Variants in UIMC1 observed in about 807,000 individuals in gnomAD.
UIMC1 encodes BRCA1-A complex subunit RAP80.
UIMC1 carries 42 observed loss-of-function variants against 84.9 expected under a neutral mutation model. The observed-to-expected ratio is 0.49, with a 90% CI of 0.39 to 0.64. The LOEUF is 0.64. Ranked by LOEUF, UIMC1 falls within the 30% of genes least tolerant of loss-of-function variation. UIMC1 has a pLI of 0.00. For missense variants in UIMC1, 825 were observed against 847.6 expected (o/e 0.97, Z 0.33); for synonymous variants, 281 against 293.0 (o/e 0.96, Z 0.42).
chr5:177,015,587 T>C (rs1214719812), intron 1 of UIMC1, among the ~76,000 whole-genome samples: 1 of 152,208 alleles, frequency 6.6e-6, no homozygotes, highest in African/African-American at 2.4e-5. Context: ...TATACAGATA[T>C]GCTCATTTTC....
chr5:176,973,585 AAAAAAAAAG>A (rs1217023486), intron 3 of UIMC1, among the ~76,000 whole-genome samples: 1 of 151,200 alleles, frequency 6.6e-6, no homozygotes, highest in Admixed American at 6.6e-5. Flanking sequence ...GTCTCAAAAA[AAAAAAAAAG>A]AAAAGAAAAA....
intron 1 of UIMC1, among the ~76,000 whole-genome samples, chr5:177,004,299 G>A (rs1561931421): frequency 6.6e-6 from 1 of 152,138 alleles, no homozygotes; most frequent in South Asian, 2.1e-4. Flanking sequence ...GCTCCCCACA[G>A]ATACAAATTC....
Position 176,905,335 on chromosome 5 carries a change from G to A in UIMC1, c.2107C>T (p.Pro703Ser), listed in dbSNP as rs1425635242. The change falls in exon 15 of 15, where the codon CCA (proline) becomes TCA (serine). Residue 703 changes from proline to serine, a missense_variant. Pro to Ser is a moderately conservative substitution (Grantham distance 74). Transcript: ENST00000511320. Reference sequence around the variant, plus strand: ...GCTTTGGTCCGTGTCCGACTACCTGGCTGGACAGTAACTTGCTTTTTAAAG... The same window carrying A: ...GCTTTGGTCCGTGTCCGACTACCTGACTGGACAGTAACTTGCTTTTTAAAG... ...VDFKKQVTVQ[P>S]GSRTRTKAGR... 2 of 1,614,062 alleles carry A rather than the reference G, an allele frequency of 1.2e-6. No individual in the cohort carries two copies. Among genetic ancestry groups the A allele is most frequent in the South Asian group, 1.1e-5 (1 of 91,084 alleles).
Position 176,911,475 on chromosome 5 carries a change from CAA to C in UIMC1, c.1598-88_1598-87del, listed in dbSNP as rs1441667420. Reference sequence around the variant, plus strand: ...AAAAGACAAAATGCACAGGAAGAAGCAAAGTTTAAAACCTTATCCCACTGGAA... The same window carrying C: ...AAAAGACAAAATGCACAGGAAGAAGCAGTTTAAAACCTTATCCCACTGGAA... On this transcript the variant is annotated intron_variant, in intron 10 of 14. Coordinates refer to ENST00000511320, the MANE Select transcript of UIMC1 (RefSeq NM_001199298.2). 3 of 981,530 alleles carry C rather than the reference CAA, an allele frequency of 3.1e-6. No individual in the cohort carries two copies. In the African/African-American group the frequency reaches 5.1e-5, roughly 17 times the overall value. 60.8% of individuals were successfully genotyped at this position (981,530 alleles called of 1,614,324 possible).
chr5:176,954,410 A>G (rs1766317087), intron 8 of UIMC1, among the ~76,000 whole-genome samples: 1 of 152,096 alleles, frequency 6.6e-6, no homozygotes, highest in South Asian at 2.1e-4. Context: ...ATCCAAACAC[A>G]TTTCAAATGA....
intron 3 of UIMC1, among the ~76,000 whole-genome samples, chr5:176,972,075 G>A (rs1283478458): frequency 1.3e-5 from 2 of 151,780 alleles, no homozygotes; most frequent in African/African-American, 4.8e-5. Flanking sequence ...TATACTACTG[G>A]GTAACCAAGC....
chr5:176,913,044 T>C (rs980822986), intron 10 of UIMC1, among the ~76,000 whole-genome samples: 1 of 152,238 alleles, frequency 6.6e-6, no homozygotes, highest in Non-Finnish European at 1.5e-5. Context: ...TCTGCCTCAA[T>C]CTGCATTTAC....
intron 1 of UIMC1, among the ~76,000 whole-genome samples, chr5:176,986,592 T>TATGGC (rs1461225468): frequency 7.0e-6 from 1 of 143,732 alleles, no homozygotes; most frequent in African/African-American, 2.6e-5. Context: ...ATAATCCCAG[T>TATGGC]ATTTTGGGAG....
intron 1 of UIMC1, among the ~76,000 whole-genome samples, chr5:176,987,757 G>A (rs1157376575): frequency 2.0e-5 from 3 of 151,754 alleles, no homozygotes; most frequent in South Asian, 2.1e-4. Context: ...CCAGGAGGTT[G>A]AGGCTGCAGT....
At chr5:176,970,686 A>C (rs1769077491) in intron 4 of UIMC1, 56 bp downstream of exon 4, 1 of 1,612,640 alleles carries the variant, frequency 6.2e-7, no homozygotes, top group African/African-American at 1.3e-5. Context: ...AACACCACAG[A>C]AGTCAAAAAT....
chr5:176,937,351 C>T lies in UIMC1; in HGVS notation c.1597+5984G>A, dbSNP rs188916491. Among the ~76,000 whole-genome samples, 1,386 of 152,092 alleles carry T rather than the reference C, an allele frequency of 9.1e-3. 8 individuals carry two copies. Among genetic ancestry groups the T allele is most frequent in the South Asian group, 0.025 (121 of 4,814 alleles). On this transcript the variant is annotated intron_variant, in intron 10 of 14. Coordinates refer to ENST00000511320, the MANE Select transcript of UIMC1 (RefSeq NM_001199298.2). The stretch of plus-strand genomic sequence containing the variant: ...TCTGCTAAAAATACAAAAAATTAGC[C>T]GAGCGTGGTAGCAGGCGCCTGTAGT...
intron 3 of UIMC1, among the ~76,000 whole-genome samples, chr5:176,974,880 A>T (rs1377565379): frequency 6.6e-6 from 1 of 152,118 alleles, no homozygotes; most frequent in Non-Finnish European, 1.5e-5. Context: ...AATGGGGGCT[A>T]ACTGGTGGCT....
chr5:176,906,110 C>A, intron 13 of UIMC1, 63 bp from the exon 14 acceptor site: 1 of 1,543,670 alleles, frequency 6.5e-7, no homozygotes, highest in East Asian at 2.3e-5. Flanking sequence ...GCACTTCTCA[C>A]TGATCTTTTG....
chr5:177,022,231 A>C (rs1335075358), intron 1 of UIMC1, among the ~76,000 whole-genome samples: 1 of 152,122 alleles, frequency 6.6e-6, no homozygotes, highest in Non-Finnish European at 1.5e-5. Context: ...GGATGTATAC[A>C]GGTCCGGAGT....
chr5:177,012,951 T>C (rs1167505734), intron 1 of UIMC1, among the ~76,000 whole-genome samples: 1 of 151,754 alleles, frequency 6.6e-6, no homozygotes, highest in Non-Finnish European at 1.5e-5. Flanking sequence ...CTTGGTAGTA[T>C]GTGCCTATAG....
chr5:176,991,888 T>C (rs1338267355), intron 1 of UIMC1, among the ~76,000 whole-genome samples: 2 of 151,984 alleles, frequency 1.3e-5, no homozygotes, highest in South Asian at 4.2e-4. Flanking sequence ...GCCGAGATTG[T>C]GTCACTGCAC....
At chr5:177,017,242 C>T (rs886668793) in intron 1 of UIMC1, among the ~76,000 whole-genome samples, 1 of 152,102 alleles carries the variant, frequency 6.6e-6, no homozygotes, top group African/African-American at 2.4e-5. Context: ...AATCTGTGGC[C>T]ACCTCTAATA....
chr5:176,907,648 C>T (rs984769362), intron 12 of UIMC1, among the ~76,000 whole-genome samples: 5 of 152,350 alleles, frequency 3.3e-5, no homozygotes, highest in African/African-American at 1.2e-4. Context: ...CCAAGACTTG[C>T]TCTTCCTGAT....
At chr5:176,969,782 A>G in intron 4 of UIMC1, 76 bp from the exon 5 acceptor site, 1 of 1,218,108 alleles carries the variant, frequency 8.2e-7, no homozygotes, top group Admixed American at 2.2e-5. Context: ...GGAAGGACAA[A>G]ATGGGAGGCC....
Sources: allele counts gnomAD v4.1 joint callset (sites outside exome capture counted in the v4.1 genomes callset), GRCh38; gene constraint gnomAD v4.1.1; transcripts MANE v1.5; gene names NCBI Gene and HGNC (gene_info 2026-07-23, HGNC 2026-07-21).